Variants in CLVS1 observed in about 807,000 individuals in gnomAD.
CLVS1 encodes clavesin 1, also known as clavesin-1.
Under a neutral mutation model 33.1 loss-of-function variants are expected in CLVS1, and 10 were observed. The observed-to-expected ratio is 0.30, with a 90% CI of 0.19 to 0.51. The LOEUF (loss-of-function observed/expected upper bound fraction) is 0.51, where lower values mean the gene tolerates loss of function less well. Ranked by LOEUF, CLVS1 falls within the 20% of genes least tolerant of loss-of-function variation. The probability of loss-of-function intolerance (pLI) is 0.97; values close to 1 mark genes in which losing one functional copy is unlikely to be tolerated. For missense variants in CLVS1, 343 were observed against 433.4 expected, an observed-to-expected ratio of 0.79 and a Z score of 1.85; for synonymous variants, 163 against 166.1, an observed-to-expected ratio of 0.98 and a Z score of 0.14.
chr8:61,167,345 A>AT (rs1019947109), intron 2 of CLVS1, among the ~76,000 whole-genome samples: 7 of 151,570 alleles, frequency 4.6e-5, no homozygotes, highest in East Asian at 3.9e-4. Context: ...GGCTCGGATA[A>AT]TTTTTTTTAT....
At chr8:61,243,876 G>C (rs1177739724) in intron 2 of CLVS1, among the ~76,000 whole-genome samples, 3 of 152,106 alleles carry the variant, frequency 2.0e-5, no homozygotes, top group Non-Finnish European at 4.4e-5. Context: ...TTAATTTGCT[G>C]TTTCTTCTTC....
At chr8:61,437,437 G>A (rs1816372405) in intron 3 of CLVS1, among the ~76,000 whole-genome samples, 1 of 152,174 alleles carries the variant, frequency 6.6e-6, no homozygotes, top group Non-Finnish European at 1.5e-5. Context: ...TTATTTTGCA[G>A]ATAGGTTATT....
chr8:61,053,818 T>C (rs541162532), upstream of CLVS1, among the ~76,000 whole-genome samples: 2 of 152,314 alleles, frequency 1.3e-5, no homozygotes, highest in Admixed American at 1.3e-4. Flanking sequence ...CTGGAGTTGC[T>C]AAGTGTTAGG....
chr8:61,208,737 G>A (rs764720104), intron 2 of CLVS1, among the ~76,000 whole-genome samples: 23 of 152,210 alleles, frequency 1.5e-4, no homozygotes, highest in South Asian at 2.1e-4. Flanking sequence ...ACAGGCACGC[G>A]CCACCACGCC....
chr8:61,386,449 CA>C (rs1814087796), intron 3 of CLVS1, among the ~76,000 whole-genome samples: 1 of 152,148 alleles, frequency 6.6e-6, no homozygotes, highest in Admixed American at 6.5e-5. Context: ...CAAATTTAAA[CA>C]ATTAGAATGC....
chr8:61,208,944 C>G (rs1807917259), intron 2 of CLVS1, among the ~76,000 whole-genome samples: 1 of 152,122 alleles, frequency 6.6e-6, no homozygotes, highest in African/African-American at 2.4e-5. Flanking sequence ...TAAGACACAG[C>G]TGTGGGCAGG....
At chr8:61,100,257 G>C (rs1009147219) in intron 1 of CLVS1, among the ~76,000 whole-genome samples, 2 of 152,158 alleles carry the variant, frequency 1.3e-5, no homozygotes, top group African/African-American at 4.8e-5. Flanking sequence ...GACATTCAAT[G>C]CATTATGAGG....
intron 2 of CLVS1, among the ~76,000 whole-genome samples, chr8:61,146,730 T>A (rs1806425485): frequency 6.6e-6 from 1 of 152,224 alleles, no homozygotes; most frequent in Admixed American, 6.5e-5. Flanking sequence ...CATTATTGGA[T>A]TGGGGGTGTC....
intron 5 of CLVS1, among the ~76,000 whole-genome samples, chr8:61,477,653 G>A (rs202135408): frequency 6.6e-6 from 1 of 151,960 alleles, no homozygotes; most frequent in Non-Finnish European, 1.5e-5. Flanking sequence ...TATCCCCTTT[G>A]TCATTTTTTA....
At chr8:61,085,850 C>T (rs957031865) in intron 1 of CLVS1, among the ~76,000 whole-genome samples, 6 of 151,498 alleles carry the variant, frequency 4.0e-5, no homozygotes, top group African/African-American at 1.5e-4. Context: ...GGTGAAACCC[C>T]ACCTCTACTA....
chr8:61,335,247 A>C (rs1811755901), intron 2 of CLVS1, among the ~76,000 whole-genome samples: 1 of 152,198 alleles, frequency 6.6e-6, no homozygotes, highest in Non-Finnish European at 1.5e-5. Context: ...TCTTGTGGTG[A>C]ATGTTAGTTC....
At chr8:61,458,611 G>T in intron 5 of CLVS1, 69 bp downstream of exon 5, 1 of 1,049,222 alleles carries the variant, frequency 9.5e-7, no homozygotes, top group Non-Finnish European at 1.4e-6. Context: ...TGGACCTATT[G>T]TGAATTATTA....
intron 2 of CLVS1, among the ~76,000 whole-genome samples, chr8:61,170,203 A>T (rs1231762050): frequency 6.6e-6 from 1 of 152,162 alleles, no homozygotes; most frequent in Non-Finnish European, 1.5e-5. Flanking sequence ...TTTGTTGGGC[A>T]TTACACTGGC....
rs28826979 is a variant in CLVS1 at position 61,478,114 on chromosome 8, T to G, written c.977+19572T>G. ...AGGAGCAGGTTTTTCAGTTTCCATGTAGTTGAGCGGTTTTGAGTGAGTTTC... is the reference window on the plus strand; with the variant it reads ...AGGAGCAGGTTTTTCAGTTTCCATGGAGTTGAGCGGTTTTGAGTGAGTTTC... On this transcript the variant is annotated intron_variant, in intron 5 of 5. Coordinates refer to ENST00000325897, the MANE Select transcript of CLVS1 (RefSeq NM_173519.3). Among the ~76,000 whole-genome samples, 867 of 152,336 alleles carry G rather than the reference T, an allele frequency of 5.7e-3. 12 individuals carry two copies. Among genetic ancestry groups the G allele is most frequent in the African/African-American group, 0.02 (813 of 41,574 alleles).
At chr8:61,100,006 A>G (rs1805420731) in intron 1 of CLVS1, among the ~76,000 whole-genome samples, 2 of 152,234 alleles carry the variant, frequency 1.3e-5, no homozygotes, top group South Asian at 4.1e-4. Flanking sequence ...AGGGACATTT[A>G]TGAAACATGG....
In CLVS1 at chr8:61,311,845, C is replaced by G. The variant is rs182732064; in HGVS notation, c.455+11563C>G. ...CCCAGTGAAGGCAGCCAATGCTAAG[C>G]TCACTCAATTAGTTGATTTGAAATT... On this transcript the variant is annotated intron_variant, in intron 2 of 5. Coordinates refer to ENST00000325897, the MANE Select transcript of CLVS1 (RefSeq NM_173519.3). Among the ~76,000 whole-genome samples the G allele has an allele frequency of 5.1e-4, 78 of 152,332 alleles. 1 individual carries two copies. The highest frequency in any genetic ancestry group is 3.1e-3 in the Admixed American group (48 of 15,308).
intron 3 of CLVS1, among the ~76,000 whole-genome samples, chr8:61,453,087 A>ATTTT (rs11420974): frequency 6.7e-6 from 1 of 148,384 alleles, no homozygotes; most frequent in African/African-American, 2.5e-5. Flanking sequence ...TCTTGCTAAC[A>ATTTT]TTTTTTTTTT....
intron 1 of CLVS1, among the ~76,000 whole-genome samples, chr8:61,124,240 G>T (rs114432711): frequency 6.6e-6 from 1 of 152,100 alleles, no homozygotes; most frequent in Non-Finnish European, 1.5e-5. Context: ...ACCACGAGTC[G>T]AATTAAAGCG....
intron 2 of CLVS1, among the ~76,000 whole-genome samples, chr8:61,256,345 T>G (rs1461425319): frequency 6.6e-6 from 1 of 152,222 alleles, no homozygotes; most frequent in Non-Finnish European, 1.5e-5. Flanking sequence ...AAACCCTGTC[T>G]GTACTAAAAA....
Sources: allele counts gnomAD v4.1 joint callset (sites outside exome capture counted in the v4.1 genomes callset), GRCh38; gene constraint gnomAD v4.1.1; transcripts MANE v1.5; gene names NCBI Gene and HGNC (gene_info 2026-07-23, HGNC 2026-07-21).